Variants in ATP7B observed in about 807,000 individuals in gnomAD.
ATP7B encodes copper-transporting ATPase 2.
ATP7B carries 113 observed loss-of-function variants against 118.9 expected under a neutral mutation model. The ratio of observed to expected loss-of-function variants is 0.95; its 90% CI spans 0.82 to 1.11. The LOEUF (loss-of-function observed/expected upper bound fraction) is 1.11. ATP7B is among the 50% of genes most tolerant of loss of function. The pLI, the probability that ATP7B is intolerant of heterozygous loss-of-function variation, is 0.00. For synonymous variants in ATP7B, 777 were observed against 727.4 expected, an observed-to-expected ratio of 1.07 and a Z score of -1.10; for missense variants, 1,867 against 1,871.4, an observed-to-expected ratio of 1.00 and a Z score of 0.04.
chr13:51,968,356 G>T, intron 4 of ATP7B, 88 bp downstream of exon 4: 1 of 1,583,736 alleles, frequency 6.3e-7, no homozygotes, highest in Non-Finnish European at 8.7e-7. Context: ...CGTCCAAGAT[G>T]GGGAAATTTA....
intron 13 of ATP7B, 63 bp from the exon 14 acceptor site, chr13:51,944,354 T>G: frequency 6.3e-7 from 1 of 1,597,904 alleles, no homozygotes; most frequent in Non-Finnish European, 8.5e-7. Flanking sequence ...ATAGTCACAC[T>G]CCTGAGGCAG....
At chr13:51,949,977 T>C (rs759642101) in intron 11 of ATP7B, 30 bp downstream of exon 11, 2 of 1,614,072 alleles carry the variant, frequency 1.2e-6, no homozygotes, top group Admixed American at 1.7e-5. Flanking sequence ...ACGAGAAAGA[T>C]GAAGTTAGTT....
At chr13:51,941,394 T>C (rs1055855170) in intron 15 of ATP7B, among the ~76,000 whole-genome samples, 170 bp from the exon 16 acceptor site, 7 of 151,530 alleles carry the variant, frequency 4.6e-5, no homozygotes, top group Non-Finnish European at 7.4e-5. Flanking sequence ...AAAAGTAAAA[T>C]TAATGTGTAG....
intron 1 of ATP7B, among the ~76,000 whole-genome samples, chr13:51,989,751 GTGC>G (rs1430385778): frequency 2.6e-5 from 4 of 152,170 alleles, no homozygotes; most frequent in Non-Finnish European, 4.4e-5. Context: ...TTCAGAGAAT[GTGC>G]TGCTTTTAAT....
intron 1 of ATP7B, among the ~76,000 whole-genome samples, chr13:51,976,270 A>G (rs1952114473): frequency 6.6e-6 from 1 of 152,194 alleles, no homozygotes; most frequent in Non-Finnish European, 1.5e-5. Context: ...TCTCCTTTAC[A>G]TGGAATGATC....
intron 4 of ATP7B, chr13:51,966,655 T>G: frequency 9.0e-7 from 1 of 1,115,662 alleles, no homozygotes; most frequent in Non-Finnish European, 1.3e-6. Context: ...TACAGCATGG[T>G]TTTTTTAAAA....
intron 3 of ATP7B, 114 bp from the exon 4 acceptor site, chr13:51,968,721 G>A (rs1951693000): frequency 1.6e-6 from 2 of 1,268,582 alleles, no homozygotes; most frequent in Non-Finnish European, 2.3e-6. Flanking sequence ...TAGAACAGCA[G>A]TTTTCAAACA....
chr13:51,994,303 A>C (rs1336753263), intron 1 of ATP7B, among the ~76,000 whole-genome samples: 1 of 152,238 alleles, frequency 6.6e-6, no homozygotes, highest in Non-Finnish European at 1.5e-5. Flanking sequence ...AAAACAAAGT[A>C]ATTAAAATTG....
intron 7 of ATP7B, chr13:51,958,903 A>C (rs1015002449): frequency 1.1e-4 from 35 of 324,912 alleles, no homozygotes; most frequent in African/African-American, 7.2e-4. Flanking sequence ...ACCCACTGGC[A>C]TAAAAGATGT....
upstream of ATP7B, chr13:52,011,523 C>T (rs1954037839): frequency 2.8e-6 from 2 of 712,978 alleles, no homozygotes; most frequent in Non-Finnish European, 4.9e-6. Context: ...CCGGGGAAGC[C>T]GCAGCCCTCT....
At chr13:51,966,930 A>T (rs1272333821) in intron 4 of ATP7B, 11 of 1,612,770 alleles carry the variant, frequency 6.8e-6, no homozygotes, top group Non-Finnish European at 8.5e-6. Flanking sequence ...TGAAAACAAC[A>T]CAGTTTTCTT....
intron 8 of ATP7B, chr13:51,957,902 T>G (rs995815556): frequency 2.1e-6 from 1 of 483,454 alleles, no homozygotes; most frequent in African/African-American, 2.0e-5. Context: ...CTAATTTCTT[T>G]TAGGGCCTGA....
At chr13:51,992,895 T>C (rs1183950112) in intron 1 of ATP7B, among the ~76,000 whole-genome samples, 1 of 145,758 alleles carries the variant, frequency 6.9e-6, no homozygotes, top group East Asian at 2.0e-4. Flanking sequence ...GGAGAATCAC[T>C]TGAACCCAGG....
intron 6 of ATP7B, 99 bp from the exon 7 acceptor site, chr13:51,960,421 T>G: frequency 7.0e-7 from 1 of 1,438,558 alleles, no homozygotes; most frequent in Non-Finnish European, 9.6e-7. Flanking sequence ...GACCTGCCTT[T>G]GTCACATGTC....
chr13:51,958,124 G>A (rs546808472), intron 8 of ATP7B, 187 bp downstream of exon 8: 3 of 663,694 alleles, frequency 4.5e-6, no homozygotes, highest in Non-Finnish European at 7.7e-6. Flanking sequence ...AGATTAGCTG[G>A]GATTTCAGAA....
chr13:51,954,853 G>A (rs976506902), intron 9 of ATP7B, among the ~76,000 whole-genome samples: 2 of 152,192 alleles, frequency 1.3e-5, no homozygotes, highest in Non-Finnish European at 2.9e-5. Context: ...AGCTTCTCAC[G>A]GCTGTTAACC....
chr13:51,940,044 C>T (rs1390647293), intron 16 of ATP7B, among the ~76,000 whole-genome samples: 1 of 108,278 alleles, frequency 9.2e-6, no homozygotes, highest in African/African-American at 3.6e-5. Context: ...CAGAGTTACG[C>T]TCTTGTTGCC....
At position 51,944,145 on chromosome 13, in the gene ATP7B, G is replaced by T. The variant is rs76151636; in HGVS notation, c.3207C>A (p.His1069Gln). The T allele has an allele frequency of 9.4e-4, 1,523 of 1,614,166 alleles. 1 individual carries two copies. The highest frequency in any genetic ancestry group is 1.1e-3 in the Non-Finnish European group (1,249 of 1,180,030). Reference protein sequence around the residue: ...VVGTAEASSEHPLGVAVTKYC... With the variant: ...VVGTAEASSEQPLGVAVTKYC... ...ATTTGGTGACTGCCACGCCCAAGGG[G>T]TGTTCACTGCTGGCCTCCGCAGTCC... Residue 1069 changes from histidine (H) to glutamine (Q), a missense_variant, in exon 14 of 21, where the codon CAC becomes CAA. Physicochemically the swap from His to Gln is conservative, Grantham distance 24. Coordinates refer to ENST00000242839, the MANE Select transcript of ATP7B (RefSeq NM_000053.4).
chr13:51,951,721 C>T (rs1252125225), intron 9 of ATP7B, among the ~76,000 whole-genome samples: 1 of 152,134 alleles, frequency 6.6e-6, no homozygotes, highest in African/African-American at 2.4e-5. Flanking sequence ...AGGGAGCACC[C>T]ATCCAACCAC....
Sources: allele counts gnomAD v4.1 joint callset (sites outside exome capture counted in the v4.1 genomes callset), GRCh38; gene constraint gnomAD v4.1.1; transcripts MANE v1.5; gene names NCBI Gene and HGNC (gene_info 2026-07-23, HGNC 2026-07-21).